The following TMEM131 variants were observed in gnomAD, a reference collection of about 807,000 sequenced individuals.
TMEM131 encodes the protein transmembrane protein 131, also known as 2610524E03Rik.
Under a neutral mutation model 211.6 loss-of-function variants are expected in TMEM131, and 66 were observed. The ratio of observed to expected loss-of-function variants is 0.31; its 90% CI spans 0.26 to 0.38. The LOEUF is 0.38. TMEM131 is among the 10% of genes least tolerant of loss of function. TMEM131 has a pLI of 1.00. For synonymous variants in TMEM131, 844 were observed against 841.3 expected (o/e 1.00, Z -0.06); for missense variants, 2,036 against 2,299.3 (o/e 0.89, Z 2.34).
intron 25 of TMEM131, among the ~76,000 whole-genome samples, chr2:97,800,595 C>CAAAAAAAAAAAAAAAAAAAA (rs3064071): frequency 2.4e-5 from 3 of 123,258 alleles, no homozygotes; most frequent in African/African-American, 3.4e-5. Context: ...ACTAAAAATA[C>CAAAAAAAAAAAAAAAAAAAA]AAAAAAAAAA....
chr2:97,760,990 A>T (rs774292584), intron 36 of TMEM131, 76 bp from the exon 37 acceptor site: 3 of 1,580,210 alleles, frequency 1.9e-6, no homozygotes, highest in Admixed American at 1.8e-5. Flanking sequence ...GGCTGGCAGG[A>T]CTGAGCCCTG....
chr2:97,994,414 C>T (rs534784616), intron 1 of TMEM131, among the ~76,000 whole-genome samples: 5 of 152,336 alleles, frequency 3.3e-5, no homozygotes, highest in African/African-American at 1.2e-4. Flanking sequence ...AAACAGTATA[C>T]TGAAGCACAT....
Position 97,918,947 on chromosome 2 carries a change from A to G in TMEM131, c.249+8479T>C, listed in dbSNP as rs1676625275. ...AGTTCAAATGTGTTGGTTGTCTAAG[A>G]TGGCTCATTCACGTGATGGGAAAGT... On this transcript the variant is annotated intron_variant, in intron 2 of 40. Transcript: ENST00000186436. Among the ~76,000 whole-genome samples, 3 of 152,200 alleles carry G rather than the reference A, an allele frequency of 2.0e-5. No individual in the cohort carries two copies. The South Asian group carries it at 6.2e-4, about 32-fold the overall frequency.
At chr2:97,894,944 G>A (rs555250036) in intron 3 of TMEM131, among the ~76,000 whole-genome samples, 1 of 152,260 alleles carries the variant, frequency 6.6e-6, no homozygotes, top group Non-Finnish European at 1.5e-5. Context: ...TCCTTGTCTT[G>A]TGCCAGTTTT....
chr2:97,924,582 A>G (rs1209340063), intron 2 of TMEM131, among the ~76,000 whole-genome samples: 1 of 152,120 alleles, frequency 6.6e-6, no homozygotes, highest in Non-Finnish European at 1.5e-5. Flanking sequence ...CCACCTGTAC[A>G]ATGGGACCCT....
rs746133345 is a variant in TMEM131 at position 97,995,874 on chromosome 2, C to T, written c.-212G>A. On this transcript the variant is annotated 5_prime_UTR_variant, in exon 1 of 41. Transcript: ENST00000186436. ...ACGGTCTTTGCCTGGGCATCGCCTACAAGCAGTCGGAGCGGAGAGGCCGCG... is the reference window on the plus strand; with the variant it reads ...ACGGTCTTTGCCTGGGCATCGCCTATAAGCAGTCGGAGCGGAGAGGCCGCG... The T allele has an allele frequency of 1.6e-5, 4 of 255,584 alleles. No homozygotes were observed. The highest frequency in any genetic ancestry group is 2.8e-5 in the Non-Finnish European group (4 of 140,356). The allele number at this position is 255,584 out of a possible 1,614,324, so 15.8% of individuals were successfully genotyped here.
chr2:97,884,478 A>C (rs1209827038), intron 4 of TMEM131, among the ~76,000 whole-genome samples: 1 of 152,000 alleles, frequency 6.6e-6, no homozygotes, highest in African/African-American at 2.4e-5. Context: ...TTCTTTGTTG[A>C]TTTTCTGTCT....
intron 6 of TMEM131, 93 bp from the exon 7 acceptor site, chr2:97,842,030 T>A: frequency 2.6e-6 from 3 of 1,153,468 alleles, no homozygotes; most frequent in Non-Finnish European, 3.4e-6. Context: ...CTGGCAAATC[T>A]AATTTATGTA....
At chr2:97,857,005 T>G (rs1223454239) in intron 5 of TMEM131, among the ~76,000 whole-genome samples, 1 of 152,226 alleles carries the variant, frequency 6.6e-6, no homozygotes, top group East Asian at 1.9e-4. Flanking sequence ...ACCTACACAT[T>G]TAGTTTATCT....
At chr2:97,797,792 CAT>C (rs1680835606) in intron 25 of TMEM131, among the ~76,000 whole-genome samples, 1 of 152,248 alleles carries the variant, frequency 6.6e-6, no homozygotes, top group African/African-American at 2.4e-5. Context: ...TTTTTGGATA[CAT>C]ATCTTTTTTG....
chr2:97,986,802 G>A (rs545991672), intron 1 of TMEM131, among the ~76,000 whole-genome samples: 8 of 152,320 alleles, frequency 5.3e-5, no homozygotes, highest in African/African-American at 1.9e-4. Context: ...CATTTCTAAA[G>A]GTGGTCCAAT....
Position 97,759,693 on chromosome 2 carries a change from T to C in TMEM131, c.5165A>G (p.Asn1722Ser), listed in dbSNP as rs1352730195. The part of the protein sequence containing the change: ...NPSSPDFTPL[N>S]SFSAFGNSFN... ...AGAGTTTCCAAAGGCGGAGAACGAA[T>C]TGAGGGGAGTGAAGTCAGGGCTGCT... Residue 1722 changes from asparagine (N) to serine (S), a missense_variant, in exon 39 of 41, where the codon AAT becomes AGT. Coordinates refer to ENST00000186436, the MANE Select transcript of TMEM131 (RefSeq NM_015348.2). 3 of 1,613,574 alleles carry C rather than the reference T, an allele frequency of 1.9e-6. No individual in the cohort carries two copies. The highest frequency in any genetic ancestry group is 1.3e-5 in the African/African-American group (1 of 74,890).
At chr2:97,890,039 T>C (rs1465090448) in intron 3 of TMEM131, among the ~76,000 whole-genome samples, 1 of 152,104 alleles carries the variant, frequency 6.6e-6, no homozygotes. Flanking sequence ...AAAGTAGTAA[T>C]GTATTTGGCG....
At chr2:97,795,242 T>A in intron 28 of TMEM131, 127 bp from the exon 29 acceptor site, 1 of 594,924 alleles carries the variant, frequency 1.7e-6, no homozygotes, top group Non-Finnish European at 2.8e-6. Context: ...TTACTCAACT[T>A]CCGTATTTTA....
At chr2:97,821,739 G>A (rs1682131114) in intron 11 of TMEM131, among the ~76,000 whole-genome samples, 2 of 152,184 alleles carry the variant, frequency 1.3e-5, no homozygotes, top group Admixed American at 1.3e-4. Context: ...TAGAATTCGG[G>A]GGCTAAATAC....
chr2:97,813,131 T>C (rs1464374021), intron 15 of TMEM131, among the ~76,000 whole-genome samples: 1 of 152,236 alleles, frequency 6.6e-6, no homozygotes, highest in Non-Finnish European at 1.5e-5. Flanking sequence ...CCATGGCTTC[T>C]GCTGAGTTGC....
chr2:97,827,185 C>T (rs887727170), intron 11 of TMEM131: 14 of 646,140 alleles, frequency 2.2e-5, no homozygotes, highest in African/African-American at 5.5e-5. Flanking sequence ...AGCCCAGTTT[C>T]GTGAAGGCTC....
chr2:97,917,627 C>T (rs1048972235), intron 2 of TMEM131, among the ~76,000 whole-genome samples: 1 of 152,094 alleles, frequency 6.6e-6, no homozygotes, highest in Non-Finnish European at 1.5e-5. Flanking sequence ...ACAATCATGG[C>T]GGAAGGGGAA....
intron 1 of TMEM131, among the ~76,000 whole-genome samples, chr2:97,935,728 G>A (rs1677414255): frequency 6.6e-6 from 1 of 152,078 alleles, no homozygotes; most frequent in Admixed American, 6.5e-5. Flanking sequence ...ATTCTAACAA[G>A]AACAAGAAAA....
Sources: allele counts gnomAD v4.1 joint callset (sites outside exome capture counted in the v4.1 genomes callset), GRCh38; gene constraint gnomAD v4.1.1; transcripts MANE v1.5; gene names NCBI Gene and HGNC (gene_info 2026-07-23, HGNC 2026-07-21).